SNTG1: variants seen among roughly 807,000 people sequenced by gnomAD.
SNTG1 encodes gamma-1-syntrophin.
Under a neutral mutation model 74.7 loss-of-function variants are expected in SNTG1, and 39 were observed. The ratio of observed to expected loss-of-function variants is 0.52; its 90% confidence interval spans 0.40 to 0.68. The LOEUF (loss-of-function observed/expected upper bound fraction) is 0.68, where lower values mean the gene tolerates loss of function less well. Among genes scored for constraint, SNTG1 ranks in the 30% least tolerant of loss-of-function variants. The probability of loss-of-function intolerance (pLI) is 0.00; values close to 1 mark genes in which losing one functional copy is unlikely to be tolerated. For missense variants in SNTG1, 685 were observed against 609.5 expected (o/e 1.12, Z -1.30); for synonymous variants, 254 against 217.1 (o/e 1.17, Z -1.49).
At chr8:49,939,838 A>T (rs1808520367) in intron 1 of SNTG1, among the ~76,000 whole-genome samples, 1 of 152,196 alleles carries the variant, frequency 6.6e-6, no homozygotes, top group Non-Finnish European at 1.5e-5. Flanking sequence ...CTTCTTGGAA[A>T]GTCAGCAGCT....
At chr8:50,406,179 A>G (rs1393209189) in intron 4 of SNTG1, among the ~76,000 whole-genome samples, 1 of 152,138 alleles carries the variant, frequency 6.6e-6, no homozygotes, top group Non-Finnish European at 1.5e-5. Flanking sequence ...ATAGATGAAC[A>G]TAACATCTTT....
intron 2 of SNTG1, among the ~76,000 whole-genome samples, chr8:50,362,210 G>C (rs2091978571): frequency 6.6e-6 from 1 of 152,102 alleles, no homozygotes; most frequent in Non-Finnish European, 1.5e-5. Flanking sequence ...TTCTCATTCT[G>C]ACCAATGCTG....
At chr8:50,632,013 C>T (rs1035919627) in intron 13 of SNTG1, among the ~76,000 whole-genome samples, 4 of 152,134 alleles carry the variant, frequency 2.6e-5, no homozygotes, top group African/African-American at 9.7e-5. Flanking sequence ...AGCGATTTGT[C>T]ATTAGGAAAT....
At chr8:50,100,858 G>T (rs971562825) in intron 1 of SNTG1, among the ~76,000 whole-genome samples, 1 of 151,960 alleles carries the variant, frequency 6.6e-6, no homozygotes, top group African/African-American at 2.4e-5. Context: ...ATTGGGGTTT[G>T]GTGTATAGAT....
chr8:50,412,893 G>C (rs1171006858), intron 4 of SNTG1, among the ~76,000 whole-genome samples: 4 of 152,122 alleles, frequency 2.6e-5, no homozygotes, highest in African/African-American at 9.7e-5. Context: ...GGTGGGTTGT[G>C]GTGCCATCAA....
At chr8:50,372,568 T>A (rs1467035814) in intron 2 of SNTG1, among the ~76,000 whole-genome samples, 1 of 152,164 alleles carries the variant, frequency 6.6e-6, no homozygotes, top group Non-Finnish European at 1.5e-5. Flanking sequence ...ATAAGTCACA[T>A]ACTCAAGAGA....
chr8:50,041,814 G>T (rs1051361848), intron 1 of SNTG1, among the ~76,000 whole-genome samples: 3 of 152,110 alleles, frequency 2.0e-5, no homozygotes, highest in Non-Finnish European at 4.4e-5. Context: ...TAATGAGTTT[G>T]TTCAAGAGCA....
intron 1 of SNTG1, among the ~76,000 whole-genome samples, chr8:50,014,406 G>A (rs1384214135): frequency 3.3e-5 from 5 of 151,992 alleles, no homozygotes; most frequent in Non-Finnish European, 7.4e-5. Flanking sequence ...TTTTAGTTGG[G>A]AAAACGGAGC....
intron 2 of SNTG1, among the ~76,000 whole-genome samples, chr8:50,217,600 A>T (rs1310425625): frequency 2.0e-5 from 3 of 151,612 alleles, no homozygotes; most frequent in African/African-American, 7.3e-5. Context: ...TAATTACAGG[A>T]TCTAGAATCA....
At chr8:50,790,395 C>A (rs902532670) in intron 18 of SNTG1, among the ~76,000 whole-genome samples, 1 of 151,758 alleles carries the variant, frequency 6.6e-6, no homozygotes, top group Admixed American at 6.6e-5. Flanking sequence ...TCTGAGGGAT[C>A]ATGATGATCA....
intron 8 of SNTG1, chr8:50,457,097 A>C (rs1374356181): frequency 6.6e-6 from 1 of 152,212 alleles, no homozygotes; most frequent in Non-Finnish European, 1.5e-5. Flanking sequence ...GTTTTGTCAC[A>C]CTTTCCACTG....
intron 9 of SNTG1, among the ~76,000 whole-genome samples, chr8:50,521,573 A>G (rs770004580): frequency 1.2e-4 from 19 of 152,164 alleles, no homozygotes; most frequent in Admixed American, 2.0e-4. Context: ...ATAGACAACA[A>G]TGAAGTTTGT....
intron 1 of SNTG1, among the ~76,000 whole-genome samples, chr8:50,116,448 CG>C (rs1389188125): frequency 6.6e-6 from 1 of 152,098 alleles, no homozygotes; most frequent in Admixed American, 6.6e-5. Context: ...CTTTGATTTA[CG>C]TTGCTTATAA....
At chr8:50,324,394 A>G (rs28814120) in intron 2 of SNTG1, among the ~76,000 whole-genome samples, 1 of 152,114 alleles carries the variant, frequency 6.6e-6, no homozygotes, top group African/African-American at 2.4e-5. Context: ...GGCCCTCCTC[A>G]ATACTCTTTC....
At chr8:50,535,793 A>G (rs2094303238) in intron 10 of SNTG1, among the ~76,000 whole-genome samples, 1 of 152,224 alleles carries the variant, frequency 6.6e-6, no homozygotes. Flanking sequence ...TTCAATATCT[A>G]GACTAAAATA....
intron 4 of SNTG1, among the ~76,000 whole-genome samples, chr8:50,432,934 C>T (rs562232374): frequency 2.0e-5 from 3 of 151,770 alleles, no homozygotes; most frequent in Admixed American, 6.6e-5. Context: ...GGGATTACAG[C>T]GCACATCTCC....
chr8:50,181,333 A>G (rs1336548598), intron 2 of SNTG1, among the ~76,000 whole-genome samples: 5 of 152,150 alleles, frequency 3.3e-5, no homozygotes, highest in Non-Finnish European at 4.4e-5. Flanking sequence ...TATTTTCCTA[A>G]TGGAGTTTAT....
intron 1 of SNTG1, among the ~76,000 whole-genome samples, chr8:49,922,085 G>T (rs1456660603): frequency 1.3e-5 from 2 of 152,040 alleles, no homozygotes; most frequent in African/African-American, 4.8e-5. Flanking sequence ...CATACAAGGG[G>T]TCTGCAGACC....
At chr8:50,616,571 C>G (rs755855131) in intron 13 of SNTG1, among the ~76,000 whole-genome samples, 2 of 152,202 alleles carry the variant, frequency 1.3e-5, no homozygotes, top group African/African-American at 4.8e-5. Flanking sequence ...CACAGGCAGG[C>G]AATAGGACAT....
Sources: gnomAD v4.1 joint callset for allele counts (sites outside exome capture counted in the v4.1 genomes callset) on GRCh38, gnomAD v4.1.1 for gene constraint, MANE v1.5 for transcripts, NCBI Gene and HGNC (gene_info 2026-07-23, HGNC 2026-07-21) for gene names.